ABTB2: variants seen among roughly 807,000 people sequenced by gnomAD.
ABTB2 encodes the protein ankyrin repeat and BTB/POZ domain-containing protein 2.
ABTB2 carries 56 observed loss-of-function variants against 104.1 expected under a neutral mutation model. That is an observed-to-expected ratio of 0.54 (90% confidence interval 0.43 to 0.67). The LOEUF is 0.67. ABTB2 is among the 30% of genes least tolerant of loss of function. ABTB2 has a pLI of 0.00. For missense variants in ABTB2, 1,279 were observed against 1,407.7 expected, an observed-to-expected ratio of 0.91 and a Z score of 1.46; for synonymous variants, 606 against 608.2, an observed-to-expected ratio of 1.00 and a Z score of 0.05.
chr11:34,260,603 T>C (rs1034294563), intron 1 of ABTB2, among the ~76,000 whole-genome samples: 5 of 152,328 alleles, frequency 3.3e-5, no homozygotes, highest in Middle Eastern at 3.4e-3. Flanking sequence ...AAGGGATTAA[T>C]AGTTTTTCTT....
intron 5 of ABTB2, among the ~76,000 whole-genome samples, chr11:34,168,635 C>T (rs1009029352): frequency 3.3e-5 from 5 of 152,214 alleles, no homozygotes; most frequent in African/African-American, 7.2e-5. Flanking sequence ...ACACAACTAG[C>T]GAGAGGTTGA....
chr11:34,172,397 T>A (rs9734295), intron 4 of ABTB2, among the ~76,000 whole-genome samples: 682 of 22,766 alleles, frequency 0.03, 38 homozygotes, highest in African/African-American at 0.079. Flanking sequence ...AAAAAAAAAA[T>A]ATATATATAT....
intron 1 of ABTB2, among the ~76,000 whole-genome samples, chr11:34,260,102 C>T (rs1854171183): frequency 6.6e-6 from 1 of 152,154 alleles, no homozygotes; most frequent in Non-Finnish European, 1.5e-5. Flanking sequence ...AGCCATTACG[C>T]CTGGCCTAAA....
At chr11:34,180,450 A>G (rs1251903116) in intron 3 of ABTB2, among the ~76,000 whole-genome samples, 1 of 152,230 alleles carries the variant, frequency 6.6e-6, no homozygotes, top group Non-Finnish European at 1.5e-5. Context: ...CAAATGCTGC[A>G]AACAGCCCAA....
chr11:34,287,439 C>T (rs1854518538), intron 1 of ABTB2, among the ~76,000 whole-genome samples: 1 of 152,100 alleles, frequency 6.6e-6, no homozygotes, highest in Non-Finnish European at 1.5e-5. Flanking sequence ...GTCCCAGCTA[C>T]TCAGGACTCT....
At chr11:34,311,491 C>T (rs1205597722) in intron 1 of ABTB2, among the ~76,000 whole-genome samples, 1 of 152,090 alleles carries the variant, frequency 6.6e-6, no homozygotes, top group African/African-American at 2.4e-5. Context: ...CAAACAAGTC[C>T]CTCGGCCACT....
rs1852740193 is a variant in ABTB2 at position 34,162,720 on chromosome 11, C to T, written c.2074G>A (p.Glu692Lys). The T allele has an allele frequency of 1.9e-6, 3 of 1,612,236 alleles. No individual in the cohort carries two copies. The highest frequency in any genetic ancestry group is 1.7e-6 in the Non-Finnish European group (2 of 1,180,034). Residue 692 changes from glutamate to lysine, a missense_variant, in exon 10 of 17, where the codon GAG becomes AAG. By Grantham distance (56) the Glu-to-Lys change is moderately conservative. Transcript: ENST00000435224. The part of the protein sequence containing the change: ...SLEEILAEGV[E>K]ESDASSQGSG... ...CCCTGGCTCGACGCATCACTTTCCT[C>T]CACACCCTCGGCCAGGATCTCCTCC...
intron 1 of ABTB2, among the ~76,000 whole-genome samples, chr11:34,238,704 C>T (rs1243017535): frequency 1.3e-5 from 2 of 152,210 alleles, no homozygotes; most frequent in South Asian, 2.1e-4. Context: ...ATTCAAGCCT[C>T]GCTCTTTCCC....
chr11:34,336,015 G>T, intron 1 of ABTB2: 1 of 496,866 alleles, frequency 2.0e-6, no homozygotes, highest in Non-Finnish European at 3.7e-6. Context: ...CTACTGGAGG[G>T]GACAGTTCAC....
At chr11:34,334,442 G>C (rs1855168479) in intron 1 of ABTB2, among the ~76,000 whole-genome samples, 1 of 152,170 alleles carries the variant, frequency 6.6e-6, no homozygotes, top group African/African-American at 2.4e-5. Flanking sequence ...CATGGTTCAG[G>C]TGGTTCATGG....
chr11:34,243,892 G>C (rs889246737), intron 1 of ABTB2, among the ~76,000 whole-genome samples: 3 of 152,196 alleles, frequency 2.0e-5, no homozygotes, highest in Admixed American at 2.0e-4. Flanking sequence ...AAAGTTGTCT[G>C]GGAAAGCCCC....
chr11:34,253,950 T>G (rs1450272625), intron 1 of ABTB2, among the ~76,000 whole-genome samples: 1 of 152,164 alleles, frequency 6.6e-6, no homozygotes, highest in Non-Finnish European at 1.5e-5. Context: ...TTCGTGGGTC[T>G]CTCCCCAGGT....
At chr11:34,246,035 C>T (rs1853979635) in intron 1 of ABTB2, among the ~76,000 whole-genome samples, 1 of 152,236 alleles carries the variant, frequency 6.6e-6, no homozygotes, top group Admixed American at 6.5e-5. Flanking sequence ...CTAAAACGTT[C>T]AGGCCAATGC....
chr11:34,154,532 G>T lies in ABTB2; in HGVS notation c.2767-154C>A, dbSNP rs1323975158. Among the ~76,000 whole-genome samples, 2 of 152,186 alleles carry T rather than the reference G, an allele frequency of 1.3e-5. No individual in the cohort carries two copies. The highest frequency in any genetic ancestry group is 3.9e-4 in the East Asian group (2 of 5,184). ...ACTCCTGGGCCTAACCATCCCCGCT[G>T]GGACACGCACTGAGGCTGGGCTCAG... On this transcript the variant is annotated intron_variant, in intron 15 of 16. Coordinates refer to ENST00000435224, the MANE Select transcript of ABTB2 (RefSeq NM_145804.3). This position sits in a 1 kb window ranked among gnomAD's most constrained non-coding sequence, Gnocchi z 4.9.
chr11:34,339,847 T>A (rs769844890), intron 1 of ABTB2, among the ~76,000 whole-genome samples: 57 of 152,196 alleles, frequency 3.7e-4, no homozygotes, highest in Non-Finnish European at 7.8e-4. Flanking sequence ...CATGAGCACT[T>A]CACACCACAA....
chr11:34,251,087 T>C (rs186767897), intron 1 of ABTB2, among the ~76,000 whole-genome samples: 1 of 152,312 alleles, frequency 6.6e-6, no homozygotes, highest in East Asian at 1.9e-4. Context: ...GGCTAAGAGA[T>C]AAATCTTCTA....
intron 3 of ABTB2, among the ~76,000 whole-genome samples, chr11:34,196,013 T>C (rs1105665): frequency 0.15 from 23,265 of 152,048 alleles, 2,886 homozygotes; most frequent in East Asian, 0.33. Flanking sequence ...TTTCCTGGGC[T>C]TCACTGAGTG....
chr11:34,187,064 G>A (rs942849122), intron 3 of ABTB2, among the ~76,000 whole-genome samples: 3 of 152,136 alleles, frequency 2.0e-5, no homozygotes, highest in African/African-American at 4.8e-5. Flanking sequence ...GGCATGCCTC[G>A]GACCTCCTCA....
At chr11:34,322,816 C>G (rs1438896589) in intron 1 of ABTB2, among the ~76,000 whole-genome samples, 1 of 152,052 alleles carries the variant, frequency 6.6e-6, no homozygotes, top group Non-Finnish European at 1.5e-5. Flanking sequence ...GTAGCTGGGA[C>G]CAGAGGTGCG....
Sources: gnomAD v4.1 joint callset for allele counts (sites outside exome capture counted in the v4.1 genomes callset) on GRCh38, gnomAD v4.1.1 for gene constraint, Gnocchi (gnomAD v3.1) non-coding constraint, MANE v1.5 for transcripts, NCBI Gene and HGNC (gene_info 2026-07-23, HGNC 2026-07-21) for gene names.